Variants in IL1RAPL2 observed in about 807,000 individuals in gnomAD.
The protein encoded by IL1RAPL2 is X-linked interleukin-1 receptor accessory protein-like 2.
Under a neutral mutation model 44.1 loss-of-function variants are expected in IL1RAPL2, and 3 were observed. That is an observed-to-expected ratio of 0.07 (90% CI 0.03 to 0.18). IL1RAPL2 has a LOEUF of 0.18. Among genes scored for constraint, IL1RAPL2 ranks in the 10% least tolerant of loss-of-function variants. The pLI, the probability that IL1RAPL2 is intolerant of heterozygous loss-of-function variation, is 1.00. For missense variants in IL1RAPL2, 391 were observed against 496.4 expected (o/e 0.79, Z 2.02); for synonymous variants, 181 against 178.8 (o/e 1.01, Z -0.10).
intron 2 of IL1RAPL2, among the ~76,000 whole-genome samples, chrX:105,101,387 C>G (rs912531778): frequency 1.8e-5 from 2 of 111,957 alleles, no homozygotes; most frequent in Non-Finnish European, 3.8e-5. Flanking sequence ...TGCCAGTTGA[C>G]TAGCACATCT....
intron 6 of IL1RAPL2, among the ~76,000 whole-genome samples, chrX:105,700,849 C>T (rs2147538720): frequency 9.0e-6 from 1 of 110,998 alleles, no homozygotes; most frequent in African/African-American, 3.3e-5. Context: ...AAATCTATCT[C>T]ATACCACTAG....
chrX:105,393,478 G>A (rs191939519), intron 5 of IL1RAPL2, among the ~76,000 whole-genome samples: 9 of 111,492 alleles, frequency 8.1e-5, no homozygotes, highest in African/African-American at 2.9e-4. Flanking sequence ...CTATATCTTA[G>A]CAGAATTCAG....
Position 105,175,425 on chromosome X carries a change from CA to C in IL1RAPL2, c.83-20049del, listed in dbSNP as rs764723400. On this transcript the variant is annotated intron_variant, in intron 2 of 10. Transcript: ENST00000372582. ...TTTTACAGATGCATGCCAAGATTAT[CA>C]GGAGTGATATTAATTATGATTATGC... Among the ~76,000 whole-genome samples the C allele has an allele frequency of 3.2e-4, 36 of 111,285 alleles. 1 individual carries two copies. Among genetic ancestry groups the C allele is most frequent in the East Asian group, 3.1e-3 (11 of 3,557 alleles).
At chrX:105,022,105 A>C (rs2031291970) in intron 2 of IL1RAPL2, among the ~76,000 whole-genome samples, 1 of 111,227 alleles carries the variant, frequency 9.0e-6, no homozygotes, top group South Asian at 3.7e-4. Flanking sequence ...TAAAAATATA[A>C]AGAAAATATA....
intron 6 of IL1RAPL2, among the ~76,000 whole-genome samples, chrX:105,661,386 A>G (rs971837048): frequency 8.9e-6 from 1 of 111,897 alleles, no homozygotes; most frequent in African/African-American, 3.2e-5. Context: ...AAATCAACAA[A>G]GAAACATTGA....
intron 1 of IL1RAPL2, among the ~76,000 whole-genome samples, chrX:104,657,170 AT>A (rs1486062128): frequency 9.0e-6 from 1 of 111,222 alleles, no homozygotes; most frequent in East Asian, 2.8e-4. Context: ...CATTTAGTCC[AT>A]TTACATTTAA....
intron 5 of IL1RAPL2, among the ~76,000 whole-genome samples, chrX:105,403,015 T>A (rs1163929849): frequency 1.8e-5 from 2 of 112,028 alleles, no homozygotes; most frequent in African/African-American, 6.5e-5. Context: ...ACTTCACCAA[T>A]TAAAGTGTGC....
intron 4 of IL1RAPL2, among the ~76,000 whole-genome samples, chrX:105,234,518 G>T (rs1556199307): frequency 8.9e-6 from 1 of 111,972 alleles, no homozygotes; most frequent in East Asian, 2.8e-4. Context: ...TTGAACAGAA[G>T]AGAATTGTGG....
chrX:104,709,210 G>T (rs1465187567), intron 2 of IL1RAPL2, among the ~76,000 whole-genome samples: 1 of 108,356 alleles, frequency 9.2e-6, no homozygotes. Context: ...TTTCCATAGT[G>T]GGCTGTTGAG....
chrX:105,555,075 TG>T (rs1391447351), intron 6 of IL1RAPL2, among the ~76,000 whole-genome samples: 9 of 106,772 alleles, frequency 8.4e-5, no homozygotes, highest in Admixed American at 3.0e-4. Flanking sequence ...CTCTGGTAGT[TG>T]TTTTTTTTTT....
At chrX:105,417,420 C>A (rs768133046) in intron 5 of IL1RAPL2, among the ~76,000 whole-genome samples, 1 of 112,750 alleles carries the variant, frequency 8.9e-6, no homozygotes, top group Admixed American at 9.3e-5. Context: ...TTGCAGCGAG[C>A]CAAGATCACA....
chrX:104,711,005 G>T (rs1299928318), intron 2 of IL1RAPL2, among the ~76,000 whole-genome samples: 2 of 111,466 alleles, frequency 1.8e-5, no homozygotes, highest in African/African-American at 3.2e-5. Context: ...GCCTCAGGTG[G>T]GTCCTTCAGG....
intron 2 of IL1RAPL2, among the ~76,000 whole-genome samples, chrX:104,835,720 A>C (rs942676832): frequency 1.8e-5 from 2 of 112,092 alleles, no homozygotes; most frequent in African/African-American, 6.5e-5. Context: ...AAAACTGTTT[A>C]TTTTCTTCTC....
intron 2 of IL1RAPL2, among the ~76,000 whole-genome samples, chrX:104,830,979 T>C (rs1921589495): frequency 8.9e-6 from 1 of 111,820 alleles, no homozygotes; most frequent in Non-Finnish European, 1.9e-5. Context: ...ATCTAGAATG[T>C]TTATCTCTTG....
At chrX:105,485,098 T>C (rs755084968) in intron 6 of IL1RAPL2, among the ~76,000 whole-genome samples, 1 of 111,914 alleles carries the variant, frequency 8.9e-6, no homozygotes, top group South Asian at 3.7e-4. Flanking sequence ...ATTTCATCTG[T>C]CTTGGATTTC....
chrX:105,093,304 C>T (rs1031217803), intron 2 of IL1RAPL2, among the ~76,000 whole-genome samples: 3 of 111,621 alleles, frequency 2.7e-5, no homozygotes, highest in Non-Finnish European at 5.7e-5. Flanking sequence ...TTCCTACGGC[C>T]ATTTGCTTTT....
intron 6 of IL1RAPL2, among the ~76,000 whole-genome samples, chrX:105,559,550 GT>G (rs1182041678): frequency 2.2e-4 from 25 of 111,413 alleles, no homozygotes; most frequent in African/African-American, 7.2e-4. Flanking sequence ...GTGTCACCCA[GT>G]TATATAGGGG....
At chrX:105,524,432 C>G (rs1304537866) in intron 6 of IL1RAPL2, among the ~76,000 whole-genome samples, 1 of 110,129 alleles carries the variant, frequency 9.1e-6, no homozygotes, top group Non-Finnish European at 1.9e-5. Flanking sequence ...CTGAAAAAAG[C>G]TGGGGGTGCA....
intron 2 of IL1RAPL2, among the ~76,000 whole-genome samples, chrX:104,999,278 G>A (rs749857955): frequency 6.0e-4 from 67 of 111,754 alleles, no homozygotes; most frequent in Non-Finnish European, 6.4e-4. Context: ...GATACTATGT[G>A]TACGTGGAGT....
Sources: allele counts gnomAD v4.1 joint callset (sites outside exome capture counted in the v4.1 genomes callset), GRCh38; gene constraint gnomAD v4.1.1; transcripts MANE v1.5; gene names NCBI Gene and HGNC (gene_info 2026-07-23, HGNC 2026-07-21).